The following SND1 variants were observed in gnomAD, a reference collection of about 807,000 sequenced individuals.
The protein encoded by SND1 is staphylococcal nuclease domain-containing protein 1.
In SND1, 38 loss-of-function variants were observed where a neutral mutation model predicts 121.7. The observed-to-expected ratio is 0.31, with a 90% confidence interval of 0.24 to 0.41. The LOEUF (loss-of-function observed/expected upper bound fraction) is 0.41. SND1 is among the 10% of genes least tolerant of loss of function. The probability of loss-of-function intolerance (pLI) is 1.00; values close to 1 mark genes in which losing one functional copy is unlikely to be tolerated. For missense variants in SND1, 868 were observed against 1,184.6 expected, an observed-to-expected ratio of 0.73 and a Z score of 3.92; for synonymous variants, 401 against 447.4, an observed-to-expected ratio of 0.90 and a Z score of 1.31.
chr7:127,952,395 G>A (rs1273685915), intron 15 of SND1, among the ~76,000 whole-genome samples: 4 of 152,162 alleles, frequency 2.6e-5, no homozygotes, highest in African/African-American at 9.7e-5. Context: ...TCTAAATAGA[G>A]ATCATCACTA....
chr7:128,074,268 C>T lies in SND1; in HGVS notation c.1780-234C>T, dbSNP rs556391773. Among the ~76,000 whole-genome samples the T allele has an allele frequency of 2.4e-4, 37 of 152,310 alleles. No homozygotes were observed. In the South Asian group the frequency reaches 4.4e-3, roughly 18 times the overall value. On this transcript the variant is annotated intron_variant, in intron 16 of 23. Coordinates refer to ENST00000354725, the MANE Select transcript of SND1 (RefSeq NM_014390.4). ...AGGTTAAGGAGAATCCCGTTTGCCC[C>T]GGTAGCTTTCTGCCGCAAGGAGGGG...
intron 13 of SND1, among the ~76,000 whole-genome samples, chr7:127,899,732 G>A (rs1213281997): frequency 6.6e-6 from 1 of 152,168 alleles, no homozygotes; most frequent in Admixed American, 6.6e-5. Flanking sequence ...CAGTCAAAGT[G>A]TGTGTAGCTT....
At chr7:127,976,200 C>A (rs924020266) in intron 15 of SND1, among the ~76,000 whole-genome samples, 2 of 152,224 alleles carry the variant, frequency 1.3e-5, no homozygotes, top group Non-Finnish European at 2.9e-5. Context: ...TCCTCCTCTC[C>A]GTAATCAGTC....
intron 10 of SND1, among the ~76,000 whole-genome samples, chr7:127,760,141 A>G (rs934738138): frequency 1.3e-5 from 2 of 152,186 alleles, no homozygotes; most frequent in East Asian, 1.9e-4. Flanking sequence ...TGCTCTGGAA[A>G]TGTCATCTTA....
intron 16 of SND1, among the ~76,000 whole-genome samples, chr7:128,033,050 C>A (rs1387877860): frequency 6.6e-6 from 1 of 152,164 alleles, no homozygotes; most frequent in Non-Finnish European, 1.5e-5. Flanking sequence ...CCCTTGCTCC[C>A]CGCTGCCCCC....
At chr7:127,920,858 C>A (rs73721252) in intron 14 of SND1, among the ~76,000 whole-genome samples, 3,159 of 118,876 alleles carry the variant, frequency 0.027, no homozygotes, top group Middle Eastern at 0.032. Context: ...CTTATCTTAA[C>A]AAAAAAAAAA....
At position 127,978,539 on chromosome 7, in the gene SND1, C is replaced by T. The variant is rs76360915; in HGVS notation, c.1670-12408C>T. Among the ~76,000 whole-genome samples the T allele has an allele frequency of 4.1e-3, 627 of 152,066 alleles. 7 individuals carry two copies. The highest frequency in any genetic ancestry group is 0.014 in the African/African-American group (594 of 41,442). ...GTGGGAATAAAATAGAATGATCAGA[C>T]GTACAGGAAAGTGGACATTCATAGA... On this transcript the variant is annotated intron_variant, in intron 15 of 23. Coordinates refer to ENST00000354725, the MANE Select transcript of SND1 (RefSeq NM_014390.4).
chr7:127,853,571 TAGAAGAGG>T (rs1311562926), intron 12 of SND1, among the ~76,000 whole-genome samples: 1 of 152,130 alleles, frequency 6.6e-6, no homozygotes, highest in East Asian at 1.9e-4. Context: ...GCACCTCCTC[TAGAAGAGG>T]AGAAGGCATG....
chr7:128,055,970 A>G (rs985677382), intron 16 of SND1, among the ~76,000 whole-genome samples: 1 of 152,236 alleles, frequency 6.6e-6, no homozygotes, highest in Non-Finnish European at 1.5e-5. Flanking sequence ...GGCAGGACTG[A>G]GTTCAAATTC....
Position 128,087,048 on chromosome 7 carries a change from AGATGTGAGTCT to A in SND1, c.2417_2418+9del. On this transcript the variant is annotated splice_donor_variant and splice_donor_5th_base_variant and coding_sequence_variant and intron_variant, in exon 21 of 24. Coordinates refer to ENST00000354725, the MANE Select transcript of SND1 (RefSeq NM_014390.4). LOFTEE classifies it high-confidence loss of function. ...CCTTCGCCTTCATCCAGGTGCCCCA[AGATGTGAGTCT>A]GGAGTCTTCCTCCTTCCAAAGGGGA... The A allele has an allele frequency of 6.2e-7, 1 of 1,612,972 alleles. No homozygotes were observed. The highest frequency in any genetic ancestry group is 8.5e-7 in the Non-Finnish European group (1 of 1,178,992).
chr7:127,737,524 G>A (rs913861885), intron 10 of SND1, among the ~76,000 whole-genome samples: 11 of 152,284 alleles, frequency 7.2e-5, no homozygotes, highest in African/African-American at 1.9e-4. Flanking sequence ...GCAGGGAGCC[G>A]AGATCACAAC....
chr7:127,735,957 C>T (rs1478021438), intron 10 of SND1, among the ~76,000 whole-genome samples: 1 of 152,088 alleles, frequency 6.6e-6, no homozygotes, highest in Non-Finnish European at 1.5e-5. Flanking sequence ...ATTGTCTTGT[C>T]TCCTTTCTGA....
chr7:127,883,144 C>T (rs764234185), intron 12 of SND1, among the ~76,000 whole-genome samples: 2 of 152,104 alleles, frequency 1.3e-5, no homozygotes, highest in African/African-American at 4.8e-5. Flanking sequence ...AAAAGATAGA[C>T]GAGCAGTTGA....
At chr7:127,947,911 C>T (rs960220415) in intron 15 of SND1, among the ~76,000 whole-genome samples, 6 of 152,102 alleles carry the variant, frequency 3.9e-5, no homozygotes, top group Admixed American at 3.3e-4. Flanking sequence ...AGCATTGTGC[C>T]AATAATGACC....
At chr7:128,051,945 C>G (rs1205495356) in intron 16 of SND1, among the ~76,000 whole-genome samples, 1 of 152,170 alleles carries the variant, frequency 6.6e-6, no homozygotes, top group East Asian at 1.9e-4. Flanking sequence ...GATGTGTTTC[C>G]AATTGCTCCA....
At chr7:127,911,172 G>A (rs766604888) in intron 14 of SND1, among the ~76,000 whole-genome samples, 1 of 152,134 alleles carries the variant, frequency 6.6e-6, no homozygotes, top group South Asian at 2.1e-4. Flanking sequence ...CTTTCTTCAA[G>A]CAAAGTTTAT....
chr7:127,951,684 G>T (rs55660321), intron 15 of SND1, among the ~76,000 whole-genome samples: 33,736 of 152,014 alleles, frequency 0.22, 4,235 homozygotes, highest in Middle Eastern at 0.33. Context: ...CAAAACGGGG[G>T]TTGGAAATAT....
chr7:127,920,914 C>T (rs774497269), intron 14 of SND1, among the ~76,000 whole-genome samples: 7 of 149,610 alleles, frequency 4.7e-5, no homozygotes, highest in African/African-American at 1.7e-4. Flanking sequence ...TATTTTCTGT[C>T]GATGATAAAA....
chr7:127,833,864 ATC>A (rs1157325041), intron 11 of SND1, among the ~76,000 whole-genome samples: 3 of 152,158 alleles, frequency 2.0e-5, no homozygotes, highest in African/African-American at 2.4e-5. Flanking sequence ...CATTAAATAA[ATC>A]TCTCCATCCC....
Sources: allele counts gnomAD v4.1 joint callset (sites outside exome capture counted in the v4.1 genomes callset), GRCh38; gene constraint gnomAD v4.1.1; transcripts MANE v1.5; gene names NCBI Gene and HGNC (gene_info 2026-07-23, HGNC 2026-07-21).